PCDH15: variants seen among roughly 807,000 people sequenced by gnomAD.
The protein encoded by PCDH15 is protocadherin-15.
Under a neutral mutation model 178.5 loss-of-function variants are expected in PCDH15, and 129 were observed. The ratio of observed to expected loss-of-function variants is 0.72; its 90% CI spans 0.63 to 0.84. PCDH15 has a LOEUF of 0.84. PCDH15 is among the 40% of genes least tolerant of loss of function. The pLI, the probability that PCDH15 is intolerant of heterozygous loss-of-function variation, is 0.00. For synonymous variants in PCDH15, 800 were observed against 732.0 expected (o/e 1.09, Z -1.50); for missense variants, 2,230 against 2,099.9 (o/e 1.06, Z -1.21).
At chr10:55,531,190 A>C (rs1841446719) in intron 2 of PCDH15, among the ~76,000 whole-genome samples, 2 of 151,990 alleles carry the variant, frequency 1.3e-5, no homozygotes. Context: ...AGATGTAGTG[A>C]CAAGTTCACT....
At chr10:53,867,004 T>C in intron 26 of PCDH15, 147 bp from the exon 27 acceptor site, 1 of 636,822 alleles carries the variant, frequency 1.6e-6, no homozygotes, top group East Asian at 2.8e-5. Flanking sequence ...TTTCTGGATA[T>C]AGTTATGTAG....
chr10:54,980,356 C>T (rs943120509), intron 2 of PCDH15, among the ~76,000 whole-genome samples: 3 of 152,084 alleles, frequency 2.0e-5, no homozygotes, highest in Admixed American at 6.6e-5. Flanking sequence ...AGAGTAAATA[C>T]TCTTTTTTTA....
At chr10:54,256,980 T>G (rs2056941143) in intron 8 of PCDH15, among the ~76,000 whole-genome samples, 1 of 152,142 alleles carries the variant, frequency 6.6e-6, no homozygotes, top group African/African-American at 2.4e-5. Flanking sequence ...ACATAAAACA[T>G]TGTCCTGCAC....
At chr10:54,037,930 C>T (rs1051192876) in intron 18 of PCDH15, among the ~76,000 whole-genome samples, 6 of 151,940 alleles carry the variant, frequency 3.9e-5, no homozygotes, top group Non-Finnish European at 7.4e-5. Flanking sequence ...TTCATAAAGA[C>T]TGATTGCTTT....
At chr10:53,958,894 G>A (rs2087920683) in intron 23 of PCDH15, among the ~76,000 whole-genome samples, 1 of 149,206 alleles carries the variant, frequency 6.7e-6, no homozygotes, top group Admixed American at 6.7e-5. Flanking sequence ...CAGGAGAATG[G>A]TGCAAACCCA....
At chr10:55,355,207 T>C (rs1845044408) in intron 2 of PCDH15, among the ~76,000 whole-genome samples, 1 of 152,062 alleles carries the variant, frequency 6.6e-6, no homozygotes, top group Non-Finnish European at 1.5e-5. Context: ...ATAGAGCTGC[T>C]ACAAACATTT....
Position 54,361,583 on chromosome 10 carries a change from T to G in PCDH15, c.474+7537A>C, listed in dbSNP as rs1441876036. ...TGAGAAAACTAAGTCCATTAGAAAT[T>G]AATTAATTTTCCATTATTATACAGG... is the stretch of plus-strand genomic sequence containing the variant. On this transcript the variant is annotated intron_variant, in intron 5 of 37. Coordinates refer to ENST00000644397, the MANE Select transcript of PCDH15 (RefSeq NM_001384140.1). Among the ~76,000 whole-genome samples, 3 of 151,990 alleles carry G rather than the reference T, an allele frequency of 2.0e-5. No homozygotes were observed. In the South Asian group the frequency reaches 6.2e-4, roughly 31 times the overall value.
At chr10:54,305,803 A>G (rs1049758760) in intron 8 of PCDH15, among the ~76,000 whole-genome samples, 17 of 151,968 alleles carry the variant, frequency 1.1e-4, no homozygotes, top group African/African-American at 4.1e-4. Context: ...AGCCAGCCAT[A>G]GGAAAATAGC....
At chr10:54,414,277 T>C (rs1953993592) in intron 3 of PCDH15, among the ~76,000 whole-genome samples, 1 of 152,024 alleles carries the variant, frequency 6.6e-6, no homozygotes, top group Non-Finnish European at 1.5e-5. Context: ...TACAAACGTG[T>C]TCATTTACTC....
At chr10:54,781,099 A>G (rs1950314340) in intron 1 of PCDH15, among the ~76,000 whole-genome samples, 1 of 152,124 alleles carries the variant, frequency 6.6e-6, no homozygotes, top group African/African-American at 2.4e-5. Flanking sequence ...ACCATAAAAC[A>G]TTTTGGACCT....
At chr10:54,978,514 T>C (rs901407803) in intron 2 of PCDH15, among the ~76,000 whole-genome samples, 5 of 152,172 alleles carry the variant, frequency 3.3e-5, no homozygotes, top group African/African-American at 1.2e-4. Context: ...AAGCTGATTA[T>C]GTTGGGAAGC....
chr10:54,207,409 T>G (rs1041437755), intron 10 of PCDH15, among the ~76,000 whole-genome samples: 1 of 151,000 alleles, frequency 6.6e-6, no homozygotes, highest in Non-Finnish European at 1.5e-5. Context: ...TGTGTGTGTG[T>G]TTTGGTATTA....
intron 1 of PCDH15, among the ~76,000 whole-genome samples, chr10:55,285,433 G>C (rs1267262553): frequency 6.6e-6 from 1 of 151,214 alleles, no homozygotes; most frequent in African/African-American, 2.4e-5. Context: ...TTTTATTTAG[G>C]AAGATATTGT....
Position 53,961,848 on chromosome 10 carries a change from C to T in PCDH15, c.2913G>A (p.Gln971=), listed in dbSNP as rs377026699. 1.9e-6 allele frequency: 3 copies of T among 1,610,376 alleles called. No homozygotes were observed. The African/African-American group carries it at 4.0e-5, about 22-fold the overall frequency. The change falls in exon 22 of 38, where the codon CAG becomes CAA. Residue 971 remains glutamine (Q), a synonymous_variant. Transcript: ENST00000644397. ...SRVRYRVDDV[Q]FPYPASIFEV... is the part of the protein sequence containing the mutation. ...CAAAAATACTGGCAGGGTAAGGAAA[C>T]TGTACATCATCTACTCTATACCTCA...
intron 2 of PCDH15, among the ~76,000 whole-genome samples, chr10:54,633,697 G>A (rs2093765515): frequency 6.6e-6 from 1 of 152,064 alleles, no homozygotes; most frequent in African/African-American, 2.4e-5. Flanking sequence ...CTGGCTCACT[G>A]AGGGAAATGG....
At chr10:55,438,099 T>C in intron 2 of PCDH15, among the ~76,000 whole-genome samples, 1 of 151,950 alleles carries the variant, frequency 6.6e-6, no homozygotes, top group Non-Finnish European at 1.5e-5. Context: ...CCTCCCAAAG[T>C]GCTGGGAGTA....
intron 2 of PCDH15, among the ~76,000 whole-genome samples, chr10:55,165,695 T>C (rs933868447): frequency 5.1e-4 from 77 of 152,144 alleles, no homozygotes; most frequent in Middle Eastern, 3.4e-3. Context: ...GAGCAAGAGA[T>C]AAATTAAGCA....
intron 23 of PCDH15, among the ~76,000 whole-genome samples, chr10:53,941,883 AT>A (rs1471356263): frequency 1.3e-5 from 2 of 152,106 alleles, no homozygotes; most frequent in African/African-American, 2.4e-5. Flanking sequence ...ATTTATTTTT[AT>A]TTTTTTATCC....
chr10:55,563,010 T>A (rs1842230884), intron 2 of PCDH15, among the ~76,000 whole-genome samples: 1 of 151,998 alleles, frequency 6.6e-6, no homozygotes, highest in Non-Finnish European at 1.5e-5. Flanking sequence ...TAGGAGCAAC[T>A]ATCTATCCCC....
Sources: allele counts gnomAD v4.1 joint callset (sites outside exome capture counted in the v4.1 genomes callset), GRCh38; gene constraint gnomAD v4.1.1; transcripts MANE v1.5; gene names NCBI Gene and HGNC (gene_info 2026-07-23, HGNC 2026-07-21).